Variants in MIA2 observed in about 807,000 individuals in gnomAD.
The protein encoded by MIA2 is melanoma inhibitory activity protein 2.
A neutral mutation model predicts 167.8 loss-of-function variants in MIA2; 127 were observed. The ratio of observed to expected loss-of-function variants is 0.76; its 90% CI spans 0.66 to 0.88. MIA2 has a LOEUF of 0.88. Among genes scored for constraint, MIA2 ranks in the 40% least tolerant of loss-of-function variants. MIA2 has a pLI of 0.00. For synonymous variants in MIA2, 552 were observed against 541.9 expected (o/e 1.02, Z -0.26); for missense variants, 1,690 against 1,624.7 (o/e 1.04, Z -0.69).
chr14:39,301,899 A>G lies in MIA2; in HGVS notation c.2620-230A>G, dbSNP rs368660846. ...TAGTTGCATAATATTAATATGTACT[A>G]TATTTGATTTGGGAATAACTAGTTT... On this transcript the variant is annotated intron_variant, in intron 14 of 28. Coordinates refer to ENST00000640607, the MANE Select transcript of MIA2 (RefSeq NM_001329214.4). Among the ~76,000 whole-genome samples, 98 of 152,328 alleles carry G rather than the reference A, an allele frequency of 6.4e-4. 1 individual carries two copies. Among genetic ancestry groups the G allele is most frequent in the African/African-American group, 2.1e-3 (89 of 41,574 alleles).
At chr14:39,276,522 A>G (rs2058028077) in intron 6 of MIA2, 1 of 155,416 alleles carries the variant, frequency 6.4e-6, no homozygotes, top group Non-Finnish European at 1.4e-5. Flanking sequence ...TTTGAATCAA[A>G]CTTTTTATTT....
In MIA2 at chr14:39,302,199, A is replaced by G. The variant is rs1403584708; in HGVS notation, c.2690A>G (p.Asp897Gly). Residue 897 changes from aspartate to glycine, a missense_variant, in exon 15 of 29, where the codon GAT becomes GGT. Asp to Gly is a moderately conservative substitution (Grantham distance 94, BLOSUM62 -1). Coordinates refer to ENST00000640607, the MANE Select transcript of MIA2 (RefSeq NM_001329214.4). Reference sequence around the variant, plus strand: ...CTTGGAGAAGACATAACGGATGATGATAACTTGGAATTAGAAATGAACAGT... The same window carrying G: ...CTTGGAGAAGACATAACGGATGATGGTAACTTGGAATTAGAAATGAACAGT... ...AMLGEDITDDDNLELEMNSES... is the reference protein window; with the variant it reads ...AMLGEDITDDGNLELEMNSES... The G allele has an allele frequency of 1.2e-6, 2 of 1,614,008 alleles. No homozygotes were observed. Among genetic ancestry groups the G allele is most frequent in the Admixed American group, 1.7e-5 (1 of 60,022 alleles).
At chr14:39,339,959 C>T (rs1220422181) in intron 25 of MIA2, among the ~76,000 whole-genome samples, 2 of 152,190 alleles carry the variant, frequency 1.3e-5, no homozygotes, top group East Asian at 3.9e-4. Context: ...GATCCTCCTG[C>T]TTTAGCCTCC....
chr14:39,312,591 T>C (rs1014103016), intron 18 of MIA2, among the ~76,000 whole-genome samples: 4 of 152,230 alleles, frequency 2.6e-5, no homozygotes, highest in Non-Finnish European at 5.9e-5. Context: ...TTAATGATAG[T>C]ATGTGAAATG....
At chr14:39,305,002 C>T (rs2063109448) in intron 17 of MIA2, among the ~76,000 whole-genome samples, 1 of 152,122 alleles carries the variant, frequency 6.6e-6, no homozygotes, top group Non-Finnish European at 1.5e-5. Context: ...GCGTTTGCAT[C>T]AGAAAAGACT....
intron 9 of MIA2, 83 bp from the exon 10 acceptor site, chr14:39,290,936 C>A: frequency 8.2e-7 from 1 of 1,219,616 alleles, no homozygotes; most frequent in Non-Finnish European, 1.2e-6. Context: ...GAAATGGATT[C>A]TGTCTGCTTC....
chr14:39,350,669 TAATAA>T lies in MIA2; in HGVS notation c.*409_*413del, dbSNP rs1378256024. 6.4e-6 allele frequency: 1 copy of T among 155,250 alleles called. No homozygotes were observed. 9.6% of individuals were successfully genotyped at this position (155,250 alleles called of 1,614,324 possible). A position where few individuals can be genotyped will look rare whatever the true frequency, so the allele number is the denominator to read the frequency against. ...TTAAAGATTTGTTTGGCATTGATAA[TAATAA>T]AATCAGTAGTTTTTCTATAACTATG... On this transcript the variant is annotated 3_prime_UTR_variant, in exon 29 of 29. Transcript: ENST00000640607.
chr14:39,242,600 G>C (rs2152616785), intron 3 of MIA2, among the ~76,000 whole-genome samples: 1 of 152,050 alleles, frequency 6.6e-6, no homozygotes, highest in African/African-American at 2.4e-5. Context: ...TGGAATTACA[G>C]GTGTGAGCCA....
chr14:39,247,489 A>G lies in MIA2; in HGVS notation c.915A>G (p.Gln305=), dbSNP rs541839797. The change falls in exon 4 of 29, where the codon CAA becomes CAG. Residue 305 remains glutamine (Q), a synonymous_variant. Transcript: ENST00000640607. ...AGTCAGAGCACATTCCCAAACCTCA[A>G]TCCACTGGTTGGTTTGGTGGAGGAT... The part of the protein sequence containing the change: ...ASESEHIPKP[Q]STGWFGGGFT... 14 of 1,613,892 alleles carry G rather than the reference A, an allele frequency of 8.7e-6. No individual in the cohort carries two copies. The African/African-American group carries it at 1.6e-4, about 18-fold the overall frequency.
chr14:39,247,475 A>C lies in MIA2; in HGVS notation c.901A>C (p.Ile301Leu). ...TGAACTAGCATCTGAGTCAGAGCAC[A>C]TTCCCAAACCTCAATCCACTGGTTG... ...QSELASESEH[I>L]PKPQSTGWFG... Residue 301 changes from isoleucine to leucine, a missense_variant, in exon 4 of 29, where the codon ATT becomes CTT. By Grantham distance (5) the Ile-to-Leu change is conservative. Coordinates refer to ENST00000640607, the MANE Select transcript of MIA2 (RefSeq NM_001329214.4). The C allele has an allele frequency of 6.2e-7, 1 of 1,613,922 alleles. No homozygotes were observed. Among genetic ancestry groups the C allele is most frequent in the Non-Finnish European group, 8.5e-7 (1 of 1,179,930 alleles).
chr14:39,326,356 CG>C (rs2067550864), intron 24 of MIA2, among the ~76,000 whole-genome samples: 1 of 152,018 alleles, frequency 6.6e-6, no homozygotes, highest in East Asian at 1.9e-4. Context: ...CTCATTGACT[CG>C]TAACACTATT....
chr14:39,350,829 A>G (rs925071252), downstream of MIA2: 1 of 152,160 alleles, frequency 6.6e-6, no homozygotes, highest in Non-Finnish European at 1.5e-5. Context: ...AGTGGCCCAA[A>G]GCAACAAATT....
chr14:39,317,816 G>T, intron 21 of MIA2, 128 bp from the exon 22 acceptor site: 1 of 543,212 alleles, frequency 1.8e-6, no homozygotes, highest in South Asian at 2.9e-5. Context: ...CAGTGATTAT[G>T]ATTTGTATAC....
intron 25 of MIA2, 103 bp downstream of exon 25, chr14:39,327,125 A>G: frequency 1.2e-6 from 1 of 866,038 alleles, no homozygotes; most frequent in Non-Finnish European, 1.6e-6. Flanking sequence ...CTCTCTTAAG[A>G]AAAATCATCG....
intron 25 of MIA2, among the ~76,000 whole-genome samples, chr14:39,331,418 TTC>T (rs2068850171): frequency 6.6e-6 from 1 of 152,312 alleles, no homozygotes. Context: ...CAATTTGCCA[TTC>T]TCTGTCTTTT....
chr14:39,271,991 T>C (rs1434021778), intron 6 of MIA2, among the ~76,000 whole-genome samples: 1 of 151,952 alleles, frequency 6.6e-6, no homozygotes, highest in Non-Finnish European at 1.5e-5. Flanking sequence ...TGCATGCTGA[T>C]TGGTTTGTGA....
intron 1 of MIA2, among the ~76,000 whole-genome samples, chr14:39,235,676 G>A (rs2053704532): frequency 6.6e-6 from 1 of 151,934 alleles, no homozygotes; most frequent in Non-Finnish European, 1.5e-5. Context: ...TACTAGGGAG[G>A]CTGAGGTGGG....
rs2074250511 is a variant in MIA2 at position 39,350,316 on chromosome 14, T to G, written c.*52T>G. 7 of 763,742 alleles carry G rather than the reference T, an allele frequency of 9.2e-6. No individual in the cohort carries two copies. Among genetic ancestry groups the G allele is most frequent in the Non-Finnish European group, 1.4e-5 (7 of 489,924 alleles). 47.3% of individuals were successfully genotyped at this position (763,742 alleles called of 1,614,324 possible). A position where few individuals can be genotyped will look rare whatever the true frequency, so the allele number is the denominator to read the frequency against. On this transcript the variant is annotated 3_prime_UTR_variant, in exon 29 of 29. Transcript: ENST00000640607. ...ATTTTGACTGATCTCATTTTCAGTT[T>G]AAGTAACTGCTGTTACTTAAGTGAT...
chr14:39,236,852 A>C (rs2053768989), intron 1 of MIA2, 70 bp from the exon 2 acceptor site: 2 of 1,403,598 alleles, frequency 1.4e-6, no homozygotes. Flanking sequence ...ATTGAGGGAC[A>C]GCAAGATGAA....
Sources: allele counts gnomAD v4.1 joint callset (sites outside exome capture counted in the v4.1 genomes callset), GRCh38; gene constraint gnomAD v4.1.1; transcripts MANE v1.5; gene names NCBI Gene and HGNC (gene_info 2026-07-23, HGNC 2026-07-21).